Variants in CACNA1E observed in about 807,000 individuals in gnomAD.
CACNA1E encodes calcium voltage-gated channel subunit alpha1 E, also known as voltage-dependent R-type calcium channel subunit alpha-1E.
In CACNA1E, 40 loss-of-function variants were observed where a neutral mutation model predicts 259.2. The ratio of observed to expected loss-of-function variants is 0.15; its 90% CI spans 0.12 to 0.20. The LOEUF is 0.20. Ranked by LOEUF, CACNA1E falls within the 10% of genes least tolerant of loss-of-function variation. CACNA1E has a pLI of 1.00. For synonymous variants in CACNA1E, 1,104 were observed against 1,138.5 expected, an observed-to-expected ratio of 0.97 and a Z score of 0.61; for missense variants, 1,874 against 3,040.1, an observed-to-expected ratio of 0.62 and a Z score of 9.02.
chr1:181,768,088 A>C (rs547565139), intron 35 of CACNA1E, among the ~76,000 whole-genome samples: 20 of 152,342 alleles, frequency 1.3e-4, no homozygotes, highest in African/African-American at 3.6e-4. Context: ...GAAACATTAT[A>C]ATTCTTCTCA....
At chr1:181,417,861 C>T (rs1176400745) in intron 2 of CACNA1E, among the ~76,000 whole-genome samples, 1 of 152,194 alleles carries the variant, frequency 6.6e-6, no homozygotes, top group Non-Finnish European at 1.5e-5. Flanking sequence ...GTCCCTGGTA[C>T]CAGGCCTTTA....
chr1:181,774,845 TTATC>T (rs1391628380), intron 37 of CACNA1E, among the ~76,000 whole-genome samples: 1 of 152,202 alleles, frequency 6.6e-6, no homozygotes, highest in African/African-American at 2.4e-5. Context: ...CCACCAGTTG[TTATC>T]TATCAGGCAG....
chr1:181,469,392 C>T (rs1411846241), intron 2 of CACNA1E, among the ~76,000 whole-genome samples: 1 of 152,076 alleles, frequency 6.6e-6, no homozygotes, highest in Non-Finnish European at 1.5e-5. Context: ...GGGGAGACTG[C>T]AATGCTGCAA....
chr1:181,482,896 T>TGGC (rs1663415182), upstream of CACNA1E, among the ~76,000 whole-genome samples: 1 of 152,234 alleles, frequency 6.6e-6, no homozygotes, highest in South Asian at 2.1e-4. Flanking sequence ...GAGGCGGCGG[T>TGGC]GGCGAGCGCT....
intron 2 of CACNA1E, among the ~76,000 whole-genome samples, chr1:181,417,501 G>T (rs1296589901): frequency 6.6e-6 from 1 of 152,084 alleles, no homozygotes; most frequent in Non-Finnish European, 1.5e-5. Flanking sequence ...CTTCAGCCCT[G>T]CTAAATCCCA....
At chr1:181,363,384 G>A (rs1166304206) in intron 1 of CACNA1E, among the ~76,000 whole-genome samples, 1 of 152,234 alleles carries the variant, frequency 6.6e-6, no homozygotes, top group African/African-American at 2.4e-5. Context: ...GAGAATCCAT[G>A]TTTGAAAATA....
intron 1 of CACNA1E, among the ~76,000 whole-genome samples, chr1:181,358,159 C>T (rs1653598159): frequency 2.0e-5 from 3 of 152,148 alleles, no homozygotes; most frequent in Admixed American, 2.0e-4. Context: ...AGCTAGCTCT[C>T]TACGTGGAAG....
intron 2 of CACNA1E, among the ~76,000 whole-genome samples, chr1:181,430,497 G>A (rs898953096): frequency 3.3e-5 from 5 of 152,186 alleles, no homozygotes; most frequent in African/African-American, 9.7e-5. Context: ...CTGTGGTTAT[G>A]TTTTGGGTAG....
chr1:181,645,893 G>C (rs561543889), intron 6 of CACNA1E, among the ~76,000 whole-genome samples: 123 of 152,354 alleles, frequency 8.1e-4, no homozygotes, highest in Non-Finnish European at 3.7e-4. Context: ...GTCCCTCGGG[G>C]TGGGACAGGA....
intron 4 of CACNA1E, among the ~76,000 whole-genome samples, chr1:181,578,258 C>A (rs1421118406): frequency 1.3e-5 from 2 of 152,038 alleles, no homozygotes; most frequent in African/African-American, 4.8e-5. Context: ...TTTTCCTAAC[C>A]TTAAAAATTC....
chr1:181,629,659 A>G (rs1558203364), intron 6 of CACNA1E, among the ~76,000 whole-genome samples: 1 of 152,108 alleles, frequency 6.6e-6, no homozygotes, highest in Non-Finnish European at 1.5e-5. Flanking sequence ...TAATATAAGT[A>G]TATATAAAGA....
chr1:181,786,051 A>G (rs1025481681), intron 43 of CACNA1E, among the ~76,000 whole-genome samples: 1 of 152,208 alleles, frequency 6.6e-6, no homozygotes, highest in Admixed American at 6.5e-5. Flanking sequence ...TGAATGAACA[A>G]TAGAAGAAGG....
chr1:181,794,847 G>C lies in CACNA1E; in HGVS notation c.6028-17G>C. 1.9e-6 allele frequency: 3 copies of C among 1,598,710 alleles called. No homozygotes were observed. The highest frequency in any genetic ancestry group is 2.6e-6 in the Non-Finnish European group (3 of 1,170,868). On this transcript the variant is annotated splice_polypyrimidine_tract_variant and intron_variant, in intron 45 of 47. Transcript: ENST00000367573. Reference sequence around the variant, plus strand: ...TTAATCCATACCTTGTGTTTCTCTGGGGGCTTGTATTTCCAGGTGGTGACA... The same window carrying C: ...TTAATCCATACCTTGTGTTTCTCTGCGGGCTTGTATTTCCAGGTGGTGACA...
intron 3 of CACNA1E, among the ~76,000 whole-genome samples, chr1:181,573,370 A>G (rs1349150407): frequency 2.0e-5 from 3 of 152,088 alleles, no homozygotes; most frequent in African/African-American, 7.2e-5. Context: ...TCAACTCTTT[A>G]CTTTTCCAGT....
chr1:181,715,004 G>A (rs1484451701), intron 8 of CACNA1E, among the ~76,000 whole-genome samples: 1 of 152,232 alleles, frequency 6.6e-6, no homozygotes, highest in African/African-American at 2.4e-5. Context: ...AGGAAGCTGG[G>A]TGGAATTAAA....
chr1:181,372,476 A>G (rs916560733), intron 1 of CACNA1E, among the ~76,000 whole-genome samples: 1 of 152,166 alleles, frequency 6.6e-6, no homozygotes, highest in African/African-American at 2.4e-5. Flanking sequence ...GAAATTGTTT[A>G]TCAGTTTTAG....
At chr1:181,327,628 T>C (rs529370815) in intron 1 of CACNA1E, among the ~76,000 whole-genome samples, 1 of 152,270 alleles carries the variant, frequency 6.6e-6, no homozygotes, top group African/African-American at 2.4e-5. Flanking sequence ...CACAGTTAAG[T>C]GCTAAATAAA....
rs1267561915 is a variant in CACNA1E, at chr1:181,807,595, A to G, written c.*8761A>G. On this transcript the variant is annotated 3_prime_UTR_variant, in exon 48 of 48. Coordinates refer to ENST00000367573, the MANE Select transcript of CACNA1E (RefSeq NM_001205293.3). ...TCTTCACCTAATCCTAGTGTTAATT[A>G]TTTTAATCTGAGCAACGCTTTTATC... The G allele has an allele frequency of 5.9e-5, 9 of 151,936 alleles. No individual in the cohort carries two copies. In the East Asian group the frequency reaches 1.6e-3, roughly 26 times the overall value. 9.4% of individuals were successfully genotyped at this position (151,936 alleles called of 1,614,324 possible).
At chr1:181,616,113 C>T (rs78108959) in intron 6 of CACNA1E, among the ~76,000 whole-genome samples, 1,992 of 152,128 alleles carry the variant, frequency 0.013, 17 homozygotes, top group Non-Finnish European at 0.021. Flanking sequence ...TGATTTTTTA[C>T]GATTGCATTA....
Sources: gnomAD v4.1 joint callset for allele counts (sites outside exome capture counted in the v4.1 genomes callset) on GRCh38, gnomAD v4.1.1 for gene constraint, MANE v1.5 for transcripts, NCBI Gene and HGNC (gene_info 2026-07-23, HGNC 2026-07-21) for gene names.